Variants in THSD7B observed in about 807,000 individuals in gnomAD.
The protein encoded by THSD7B is thrombospondin type 1 domain containing 7B, also known as thrombospondin type-1 domain-containing protein 7B.
In THSD7B, 138 loss-of-function variants were observed where a neutral mutation model predicts 213.6. That is an observed-to-expected ratio of 0.65 (90% confidence interval 0.56 to 0.74). The LOEUF (loss-of-function observed/expected upper bound fraction) is 0.74, where lower values mean the gene tolerates loss of function less well. THSD7B is among the 30% of genes least tolerant of loss of function. The probability of loss-of-function intolerance (pLI) is 0.00; values close to 1 mark genes in which losing one functional copy is unlikely to be tolerated. For missense variants in THSD7B, 1,931 were observed against 1,991.5 expected (o/e 0.97, Z 0.58); for synonymous variants, 742 against 687.0 (o/e 1.08, Z -1.25).
At chr2:136,771,377 G>GA (rs892471570) in intron 1 of THSD7B, among the ~76,000 whole-genome samples, 2 of 152,120 alleles carry the variant, frequency 1.3e-5, no homozygotes, top group Non-Finnish European at 2.9e-5. Context: ...GATGGTCCCT[G>GA]AAAAACGTAA....
intron 14 of THSD7B, among the ~76,000 whole-genome samples, chr2:137,442,719 G>A (rs1687441291): frequency 6.6e-6 from 1 of 152,110 alleles, no homozygotes; most frequent in South Asian, 2.1e-4. Flanking sequence ...ACTTCAAAGT[G>A]TGGTAAAGTG....
chr2:136,967,003 A>T (rs1685326598), intron 2 of THSD7B, among the ~76,000 whole-genome samples: 1 of 152,066 alleles, frequency 6.6e-6, no homozygotes, highest in Non-Finnish European at 1.5e-5. Context: ...TTTAACTGCC[A>T]TTCCATTTTG....
chr2:137,301,832 G>A (rs1443597927), intron 12 of THSD7B, among the ~76,000 whole-genome samples: 2 of 152,170 alleles, frequency 1.3e-5, no homozygotes, highest in East Asian at 3.9e-4. Context: ...CAAAAAGGTG[G>A]GGGAGAGGTA....
intron 15 of THSD7B, among the ~76,000 whole-genome samples, chr2:137,478,087 T>C (rs1688229189): frequency 6.6e-6 from 1 of 152,114 alleles, no homozygotes; most frequent in Non-Finnish European, 1.5e-5. Flanking sequence ...TTTAATTATA[T>C]CTATTTGGCA....
chr2:137,093,565 T>C (rs1472729802), intron 3 of THSD7B, among the ~76,000 whole-genome samples: 2 of 152,212 alleles, frequency 1.3e-5, no homozygotes, highest in Non-Finnish European at 2.9e-5. Context: ...TCTTTGAATA[T>C]GCTATCGTTT....
intron 2 of THSD7B, among the ~76,000 whole-genome samples, chr2:137,028,773 G>C (rs980874334): frequency 2.6e-5 from 4 of 152,152 alleles, no homozygotes; most frequent in Admixed American, 6.6e-5. Flanking sequence ...AGAGGCAATC[G>C]TTTCTAAGCT....
chr2:137,415,860 G>T (rs1166941450), intron 14 of THSD7B, among the ~76,000 whole-genome samples: 1 of 151,350 alleles, frequency 6.6e-6, no homozygotes, highest in East Asian at 1.9e-4. Flanking sequence ...TATTTCCCTT[G>T]CCAGTCTTTA....
rs538658458 is a variant in THSD7B at position 136,938,210 on chromosome 2, C to A, written c.139+55893C>A. Among the ~76,000 whole-genome samples, 19 of 152,224 alleles carry A rather than the reference C, an allele frequency of 1.2e-4. No individual in the cohort carries two copies. In the South Asian group the frequency reaches 3.9e-3, roughly 32 times the overall value. On this transcript the variant is annotated intron_variant, in intron 2 of 27. Transcript: ENST00000409968. ...GCTCAGAGGGAGCAAAGTGCCCATC[C>A]TTTCTAAACAGCAGATTGTGAGATT...
chr2:137,216,489 A>C, intron 7 of THSD7B, among the ~76,000 whole-genome samples: 1 of 152,094 alleles, frequency 6.6e-6, no homozygotes, highest in Admixed American at 6.5e-5. Context: ...TACACTGATG[A>C]ATAAGGGAAA....
At chr2:136,948,371 T>G (rs1307820177) in intron 2 of THSD7B, among the ~76,000 whole-genome samples, 1 of 152,082 alleles carries the variant, frequency 6.6e-6, no homozygotes, top group East Asian at 1.9e-4. Context: ...TTTACTCTCC[T>G]AGTAGACAAA....
intron 4 of THSD7B, 77 bp downstream of exon 4, chr2:137,095,198 T>C: frequency 6.5e-7 from 1 of 1,544,976 alleles, no homozygotes; most frequent in Non-Finnish European, 8.8e-7. Flanking sequence ...GTAATGAAAG[T>C]AGCTGTGACT....
At chr2:137,135,741 C>G (rs1558933893) in intron 5 of THSD7B, among the ~76,000 whole-genome samples, 1 of 152,078 alleles carries the variant, frequency 6.6e-6, no homozygotes. Context: ...CACTCAGTCT[C>G]TGAACATAGT....
chr2:136,998,960 C>CA (rs1558882067), intron 2 of THSD7B, among the ~76,000 whole-genome samples: 1 of 114,218 alleles, frequency 8.8e-6, no homozygotes, highest in Non-Finnish European at 1.8e-5. Flanking sequence ...ACACACACAC[C>CA]CCTGCTTTCT....
chr2:137,014,020 GC>G (rs1391629802), intron 2 of THSD7B, among the ~76,000 whole-genome samples: 1 of 152,140 alleles, frequency 6.6e-6, no homozygotes. Context: ...TCTAGTTTCT[GC>G]TTCCATTCCC....
chr2:137,518,062 C>T (rs1342395686), intron 15 of THSD7B, among the ~76,000 whole-genome samples: 1 of 151,988 alleles, frequency 6.6e-6, no homozygotes, highest in African/African-American at 2.4e-5. Flanking sequence ...AGTGGTTGGG[C>T]TCCCAATCAC....
At chr2:137,141,774 C>G (rs755526784) in intron 5 of THSD7B, among the ~76,000 whole-genome samples, 1 of 151,922 alleles carries the variant, frequency 6.6e-6, no homozygotes, top group Non-Finnish European at 1.5e-5. Context: ...TTCTTAATAA[C>G]AGTGATAAAA....
At chr2:137,548,778 A>C (rs962196242) in intron 15 of THSD7B, among the ~76,000 whole-genome samples, 1 of 152,024 alleles carries the variant, frequency 6.6e-6, no homozygotes, top group South Asian at 2.1e-4. Flanking sequence ...ATCCTTGTCC[A>C]TTTGTACTTA....
intron 5 of THSD7B, among the ~76,000 whole-genome samples, chr2:137,116,242 A>G (rs987525156): frequency 2.0e-5 from 3 of 152,198 alleles, no homozygotes; most frequent in Non-Finnish European, 2.9e-5. Flanking sequence ...ACTGCTTAGC[A>G]TTTTGCTTCA....
At chr2:137,157,272 C>T (rs563362867) in intron 5 of THSD7B, among the ~76,000 whole-genome samples, 3 of 152,302 alleles carry the variant, frequency 2.0e-5, no homozygotes, top group East Asian at 1.9e-4. Context: ...TGGTGCCCCA[C>T]AGTACAGAAA....
Sources: allele counts gnomAD v4.1 joint callset (sites outside exome capture counted in the v4.1 genomes callset), GRCh38; gene constraint gnomAD v4.1.1; transcripts MANE v1.5; gene names NCBI Gene and HGNC (gene_info 2026-07-23, HGNC 2026-07-21).